The following PDE1C variants were observed in gnomAD, a reference collection of about 807,000 sequenced individuals.
PDE1C encodes phosphodiesterase 1C, also known as dual specificity calcium/calmodulin-dependent 3',5'-cyclic nucleotide phosphodiesterase 1C.
A neutral mutation model predicts 93.1 loss-of-function variants in PDE1C; 62 were observed. The ratio of observed to expected loss-of-function variants is 0.67; its 90% confidence interval spans 0.54 to 0.82. The LOEUF (loss-of-function observed/expected upper bound fraction) is 0.82, where lower values mean the gene tolerates loss of function less well. PDE1C is among the 40% of genes least tolerant of loss of function. The pLI is 0.00. For missense variants in PDE1C, 742 were observed against 884.6 expected (o/e 0.84, Z 2.04); for synonymous variants, 325 against 310.1 (o/e 1.05, Z -0.50).
At chr7:32,108,211 C>A (rs1584775997) in intron 3 of PDE1C, among the ~76,000 whole-genome samples, 2 of 92,814 alleles carry the variant, frequency 2.2e-5, no homozygotes, top group African/African-American at 4.6e-5. Flanking sequence ...AGACTGTCAG[C>A]ATGGATAAAA....
intron 1 of PDE1C, among the ~76,000 whole-genome samples, chr7:32,059,856 G>GT (rs1794597690): frequency 1.3e-5 from 2 of 152,254 alleles, no homozygotes; most frequent in South Asian, 2.1e-4. Context: ...CAAGTAGTAC[G>GT]TTTTTTGCAT....
At chr7:32,078,147 T>A in intron 3 of PDE1C, 1 of 455,444 alleles carries the variant, frequency 2.2e-6, no homozygotes, top group Non-Finnish European at 2.9e-6. Context: ...TTGTTCTTCC[T>A]ATCACTGTAA....
chr7:32,191,541 A>T (rs1562564420), intron 2 of PDE1C, among the ~76,000 whole-genome samples: 1 of 152,158 alleles, frequency 6.6e-6, no homozygotes, highest in African/African-American at 2.4e-5. Flanking sequence ...AGAGTCATCC[A>T]GGTTGTTGCA....
chr7:31,785,860 T>C (rs1584068383), intron 16 of PDE1C: 1 of 152,178 alleles, frequency 6.6e-6, no homozygotes, highest in East Asian at 1.9e-4. Flanking sequence ...TGGCAGGTAA[T>C]ATGTCTCTTG....
intron 2 of PDE1C, among the ~76,000 whole-genome samples, chr7:31,980,584 A>C (rs1194714576): frequency 6.6e-6 from 1 of 152,180 alleles, no homozygotes; most frequent in Non-Finnish European, 1.5e-5. Context: ...ACCTGTGACC[A>C]ACTTGCTTCC....
chr7:31,973,572 G>A (rs1234892666), intron 2 of PDE1C, among the ~76,000 whole-genome samples: 1 of 152,144 alleles, frequency 6.6e-6, no homozygotes, highest in Non-Finnish European at 1.5e-5. Flanking sequence ...TGTTTATAAT[G>A]TGTTAGATAC....
chr7:31,693,774 A>C, the PDE1C span, among the ~76,000 whole-genome samples: 1 of 152,254 alleles, frequency 6.6e-6, no homozygotes, highest in African/African-American at 2.4e-5. Context: ...AATAGTTTTT[A>C]GTAAGAAAGA....
intron 2 of PDE1C, among the ~76,000 whole-genome samples, chr7:31,974,546 C>T (rs747618101): frequency 6.6e-5 from 10 of 151,858 alleles, no homozygotes; most frequent in African/African-American, 1.9e-4. Flanking sequence ...CTTTGAATGA[C>T]GTTTACCCTG....
chr7:32,253,834 AGATCAGAGAATTT>A (rs1809576285), intron 1 of PDE1C, among the ~76,000 whole-genome samples: 1 of 152,216 alleles, frequency 6.6e-6, no homozygotes, highest in South Asian at 2.1e-4. Flanking sequence ...CAGAGGACAG[AGATCAGAGAATTT>A]GATCAGAGAT....
At chr7:31,667,741 T>C in the PDE1C span, among the ~76,000 whole-genome samples, 2 of 151,596 alleles carry the variant, frequency 1.3e-5, no homozygotes, top group African/African-American at 2.4e-5. Context: ...CTCATCGAGG[T>C]AGGATGGCTC....
chr7:32,366,358 G>A (rs1256981613), intron 1 of PDE1C, among the ~76,000 whole-genome samples: 1 of 152,076 alleles, frequency 6.6e-6, no homozygotes, highest in Non-Finnish European at 1.5e-5. Context: ...CTTGGAGACA[G>A]GTCATTTGAA....
intron 2 of PDE1C, among the ~76,000 whole-genome samples, chr7:32,004,571 T>TG (rs1180642346): frequency 6.6e-6 from 1 of 152,180 alleles, no homozygotes; most frequent in Non-Finnish European, 1.5e-5. Context: ...GATTTGAACC[T>TG]GGGGTCTTGT....
At chr7:32,374,267 G>GAAAGAAAGAAAGAAAC (rs1784391588) in intron 1 of PDE1C, among the ~76,000 whole-genome samples, 5 of 138,472 alleles carry the variant, frequency 3.6e-5, no homozygotes, top group Non-Finnish European at 6.1e-5. Context: ...AAGAAAGAAA[G>GAAAGAAAGAAAGAAAC]AAAGAAAGAA....
intron 9 of PDE1C, among the ~76,000 whole-genome samples, chr7:31,842,468 A>G (rs1162747644): frequency 6.6e-6 from 1 of 152,134 alleles, no homozygotes; most frequent in Admixed American, 6.6e-5. Context: ...ATTTTTTAAC[A>G]GACATAGGAT....
intron 1 of PDE1C, among the ~76,000 whole-genome samples, chr7:32,282,485 A>AATAGATAGCTAGCTAGCTAGATAGATAG (rs376678996): frequency 7.0e-6 from 1 of 143,860 alleles, no homozygotes; most frequent in Non-Finnish European, 1.5e-5. Context: ...TCAAAAAAAA[A>AATAGATAGCTAGCTAGCTAGATAGATAG]ATAGATAGAT....
intron 14 of PDE1C, 34 bp downstream of exon 14, chr7:31,823,039 C>A: frequency 6.5e-7 from 1 of 1,530,362 alleles, no homozygotes. Flanking sequence ...TTGTTTTATG[C>A]TGAATTGGTT....
chr7:31,933,962 A>G (rs1345470684), intron 2 of PDE1C, among the ~76,000 whole-genome samples: 1 of 152,210 alleles, frequency 6.6e-6, no homozygotes, highest in Non-Finnish European at 1.5e-5. Context: ...GAATGGCCTA[A>G]TACACTTAAG....
intron 1 of PDE1C, among the ~76,000 whole-genome samples, chr7:32,427,739 G>A (rs1785563535): frequency 6.6e-6 from 1 of 152,210 alleles, no homozygotes; most frequent in South Asian, 2.1e-4. Flanking sequence ...GAAATCCTGC[G>A]GGAGATAGCG....
At chr7:31,800,642 T>C (rs1032895161) in intron 16 of PDE1C, among the ~76,000 whole-genome samples, 1 of 151,564 alleles carries the variant, frequency 6.6e-6, no homozygotes, top group Non-Finnish European at 1.5e-5. Context: ...CATAGCTTTA[T>C]AGTAAGTCTT....
Sources: gnomAD v4.1 joint callset for allele counts (sites outside exome capture counted in the v4.1 genomes callset) on GRCh38, gnomAD v4.1.1 for gene constraint, MANE v1.5 for transcripts, NCBI Gene and HGNC (gene_info 2026-07-23, HGNC 2026-07-21) for gene names.